Variants in NUP50 observed in about 807,000 individuals in gnomAD.
NUP50 encodes the protein nucleoporin 50.
Under a neutral mutation model 36.8 loss-of-function variants are expected in NUP50, and 14 were observed. That is an observed-to-expected ratio of 0.38 (90% CI 0.25 to 0.59). NUP50 has a LOEUF of 0.59. NUP50 is among the 20% of genes least tolerant of loss of function. The probability of loss-of-function intolerance (pLI) is 0.63; values close to 1 mark genes in which losing one functional copy is unlikely to be tolerated. For missense variants in NUP50, 455 were observed against 564.6 expected (o/e 0.81, Z 1.97); for synonymous variants, 195 against 210.8 (o/e 0.93, Z 0.65).
intron 6 of NUP50, among the ~76,000 whole-genome samples, chr22:45,181,920 C>T (rs2074379775): frequency 6.6e-6 from 1 of 152,190 alleles, no homozygotes; most frequent in African/African-American, 2.4e-5. Context: ...GCTGAAAAAA[C>T]ATCTGTGCCA....
chr22:45,174,183 C>T (rs925764339), intron 3 of NUP50, among the ~76,000 whole-genome samples: 6 of 137,934 alleles, frequency 4.3e-5, no homozygotes, highest in East Asian at 4.3e-4. Flanking sequence ...GGTATTTTCC[C>T]TTTTTTTTTT....
chr22:45,180,842 TA>T (rs11416722), intron 5 of NUP50, among the ~76,000 whole-genome samples: 8,727 of 147,088 alleles, frequency 0.059, 650 homozygotes, highest in African/African-American at 0.17. Context: ...TGTCCCCTGT[TA>T]AAAAAAAAAA....
rs781273344 is a variant in NUP50, at chr22:45,175,954, C to T, written c.214C>T (p.Arg72Cys). Reference sequence around the variant, plus strand: ...TTTGGTGGTACCTTCTGGAGGAGGACGCTTTTCTGGATTTGGTAGTGGCGC... The same window carrying T: ...TTTGGTGGTACCTTCTGGAGGAGGATGCTTTTCTGGATTTGGTAGTGGCGC... Reference protein sequence around the residue: ...KGLVVPSGGGRFSGFGSGAGG... With the variant: ...KGLVVPSGGGCFSGFGSGAGG... Residue 72 changes from arginine to cysteine, a missense_variant, in exon 4 of 8, where the codon CGC becomes TGC. Around this residue, in one of 3 missense-constraint regions of NUP50, gnomAD observed 166 missense variants for 202.8 expected, o/e 0.82. Coordinates refer to ENST00000347635, the MANE Select transcript of NUP50 (RefSeq NM_007172.4). The T allele has an allele frequency of 1.5e-5, 24 of 1,613,944 alleles. No homozygotes were observed. Among genetic ancestry groups the T allele is most frequent in the African/African-American group, 2.7e-5 (2 of 74,858 alleles).
At position 45,178,619 on chromosome 22, in the gene NUP50, A is replaced by G. The variant is rs764800739; in HGVS notation, c.722A>G (p.Asn241Ser). 1.3e-5 allele frequency: 21 copies of G among 1,611,946 alleles called. No individual in the cohort carries two copies. The highest frequency in any genetic ancestry group is 2.2e-4 in the Middle Eastern group (1 of 4,454). Residue 241 changes from asparagine to serine, a missense_variant, in exon 5 of 8, where the codon AAC (asparagine) becomes AGC (serine). By Grantham distance (46) the Asn-to-Ser change is conservative. Around this residue, in one of 3 missense-constraint regions of NUP50, gnomAD observed 287 missense variants for 345.5 expected, o/e 0.83. Transcript: ENST00000347635. ...GAGTCAACGTTTTTGTTTCATGGCA[A>G]CAAAACTGAAGATACACCTGACAAG... ...QQESTFLFHG[N>S]KTEDTPDKKM... is the part of the protein sequence containing the mutation.
intron 4 of NUP50, 172 bp from the exon 5 acceptor site, chr22:45,178,066 C>CACA (rs1236761680): frequency 1.6e-6 from 1 of 611,230 alleles, no homozygotes; most frequent in Non-Finnish European, 2.8e-6. Flanking sequence ...GCAGAGGTTG[C>CACA]AGTGAGCCAA....
chr22:45,169,277 G>A (rs1466532540), intron 2 of NUP50, among the ~76,000 whole-genome samples: 1 of 152,162 alleles, frequency 6.6e-6, no homozygotes. Flanking sequence ...AGCTGAGGCG[G>A]GAGGTTTGCT....
intron 5 of NUP50, among the ~76,000 whole-genome samples, chr22:45,180,055 C>T (rs2074341905): frequency 6.6e-6 from 1 of 152,204 alleles, no homozygotes; most frequent in African/African-American, 2.4e-5. Context: ...GCCCTCTGGG[C>T]ACAGGGTGAA....
Position 45,187,018 on chromosome 22 carries a change from T to C in NUP50, c.*2363T>C, listed in dbSNP as rs1601797720. 1 of 152,256 alleles carries C rather than the reference T, an allele frequency of 6.6e-6. No homozygotes were observed. The highest frequency in any genetic ancestry group is 2.4e-5 in the African/African-American group (1 of 41,474). 9.4% of individuals were successfully genotyped at this position (152,256 alleles called of 1,614,324 possible). Reference sequence around the variant, plus strand: ...ATTTTTAACAAAATATTAGAAGTTATGCTTTAAAATGTTTAATGTGGACTG... The same window carrying C: ...ATTTTTAACAAAATATTAGAAGTTACGCTTTAAAATGTTTAATGTGGACTG... On this transcript the variant is annotated 3_prime_UTR_variant, in exon 8 of 8. Transcript: ENST00000347635.
chr22:45,168,177 C>T lies in NUP50; in HGVS notation c.-1C>T, dbSNP rs1246055377. 3.1e-6 allele frequency: 5 copies of T among 1,606,780 alleles called. No individual in the cohort carries two copies. Among genetic ancestry groups the T allele is most frequent in the Non-Finnish European group, 4.2e-6 (5 of 1,177,558 alleles). On this transcript the variant is annotated 5_prime_UTR_variant, in exon 2 of 8. Coordinates refer to ENST00000347635, the MANE Select transcript of NUP50 (RefSeq NM_007172.4). Reference sequence around the variant, plus strand: ...GTTTTCTATAACTTAGGTTCGAAAACATGGCCAAAAGAAATGCCGAGAAGG... The same window carrying T: ...GTTTTCTATAACTTAGGTTCGAAAATATGGCCAAAAGAAATGCCGAGAAGG...
chr22:45,170,910 C>G, intron 2 of NUP50: 1 of 1,107,798 alleles, frequency 9.0e-7, no homozygotes, highest in African/African-American at 1.6e-5. Context: ...AGTGTAGGAG[C>G]CCGTTAAGTT....
chr22:45,172,223 T>C (rs6006947), intron 3 of NUP50: 8,020 of 153,330 alleles, frequency 0.052, 566 homozygotes, highest in African/African-American at 0.15. Context: ...CAGTACATCC[T>C]CTCCCTTCAG....
chr22:45,182,438 T>C (rs1162064646), intron 6 of NUP50, among the ~76,000 whole-genome samples: 1 of 151,974 alleles, frequency 6.6e-6, no homozygotes, highest in Admixed American at 6.6e-5. Context: ...TAAGACTGTC[T>C]CAAAAGAAAT....
rs1188590459 is a variant in NUP50 at position 45,164,094 on chromosome 22, G to A, written c.-213G>A. On this transcript the variant is annotated 5_prime_UTR_variant, in exon 1 of 8. Coordinates refer to ENST00000347635, the MANE Select transcript of NUP50 (RefSeq NM_007172.4). ...CGCTCTCGCCTCCCTGCCGAACACAGCGTGAGGAGCCCCCCCAGGGATATG... is the reference window on the plus strand; with the variant it reads ...CGCTCTCGCCTCCCTGCCGAACACAACGTGAGGAGCCCCCCCAGGGATATG... The A allele has an allele frequency of 1.3e-5, 2 of 152,316 alleles. No homozygotes were observed. The highest frequency in any genetic ancestry group is 2.9e-5 in the Non-Finnish European group (2 of 68,102). The allele number at this position is 152,316 out of a possible 1,614,324, so 9.4% of individuals were successfully genotyped here. A position where few individuals can be genotyped will look rare whatever the true frequency, so the allele number is the denominator to read the frequency against.
In NUP50 at chr22:45,184,500, C is replaced by T. The variant is rs1341707373; in HGVS notation, c.1252C>T (p.Arg418Ter). The change falls in exon 8 of 8, where the codon CGA (arginine) becomes TGA (stop). Residue 418 changes from arginine (R) to a stop codon, truncating the protein, a stop_gained. Transcript: ENST00000347635. LOFTEE classifies it high-confidence loss of function. ...GATTCCACCCAATATGCCATGTACG[C>T]GAACAGGGAAGAATAACGTTCTTAT... is the stretch of plus-strand genomic sequence containing the variant. ...VLIPPNMPCT[R>*]TGKNNVLIVC... The T allele has an allele frequency of 1.2e-5, 20 of 1,613,706 alleles. No individual in the cohort carries two copies. The highest frequency in any genetic ancestry group is 1.7e-5 in the Non-Finnish European group (20 of 1,179,816).
chr22:45,176,670 T>A (rs952378006), intron 4 of NUP50, among the ~76,000 whole-genome samples: 1 of 152,094 alleles, frequency 6.6e-6, no homozygotes, highest in Admixed American at 6.6e-5. Flanking sequence ...ATTCTGAGAG[T>A]ATATACTGTT....
chr22:45,177,277 C>G (rs2074290736), intron 4 of NUP50, among the ~76,000 whole-genome samples: 1 of 152,078 alleles, frequency 6.6e-6, no homozygotes, highest in African/African-American at 2.4e-5. Context: ...ACCTCCCGAG[C>G]TCAAGTGATC....
At chr22:45,178,947 G>C in intron 5 of NUP50, 47 bp downstream of exon 5, 1 of 1,537,262 alleles carries the variant, frequency 6.5e-7, no homozygotes, top group Non-Finnish European at 8.8e-7. Flanking sequence ...TAAGATTCTT[G>C]TTTCTTGGGA....
chr22:45,168,395 C>T, intron 2 of NUP50, 149 bp downstream of exon 2: 1 of 601,656 alleles, frequency 1.7e-6, no homozygotes, highest in Non-Finnish European at 3.0e-6. Context: ...ATGACCTGTA[C>T]TTAGTGTAGA....
At chr22:45,165,578 T>C (rs1465441482) in intron 1 of NUP50, among the ~76,000 whole-genome samples, 1 of 152,066 alleles carries the variant, frequency 6.6e-6, no homozygotes, top group Non-Finnish European at 1.5e-5. Context: ...GAGGGTTTTT[T>C]CTCCCCCCCA....
Sources: allele counts gnomAD v4.1 joint callset (sites outside exome capture counted in the v4.1 genomes callset), GRCh38; gene constraint gnomAD v4.1.1; regional missense constraint gnomAD v4.1.1; transcripts MANE v1.5; gene names NCBI Gene and HGNC (gene_info 2026-07-23, HGNC 2026-07-21).